Variants in POLR1B observed in about 807,000 individuals in gnomAD.
POLR1B encodes DNA-directed RNA polymerase I subunit RPA2.
POLR1B carries 30 observed loss-of-function variants against 105.8 expected under a neutral mutation model. The ratio of observed to expected loss-of-function variants is 0.28; its 90% CI spans 0.21 to 0.38. The LOEUF (loss-of-function observed/expected upper bound fraction) is 0.38, where lower values mean the gene tolerates loss of function less well. POLR1B is among the 10% of genes least tolerant of loss of function. POLR1B has a pLI of 1.00. For synonymous variants in POLR1B, 485 were observed against 505.1 expected (o/e 0.96, Z 0.53); for missense variants, 976 against 1,435.8 (o/e 0.68, Z 5.17).
At chr2:112,562,651 T>C (rs1329655132) in intron 9 of POLR1B, among the ~76,000 whole-genome samples, 2 of 152,124 alleles carry the variant, frequency 1.3e-5, no homozygotes, top group African/African-American at 4.8e-5. Context: ...AGGTCTTGCC[T>C]CAGTGTTGCT....
intron 7 of POLR1B, among the ~76,000 whole-genome samples, chr2:112,557,199 T>A (rs779021110): frequency 1.3e-5 from 2 of 152,144 alleles, no homozygotes; most frequent in African/African-American, 2.4e-5. Flanking sequence ...GGCAGGAGAA[T>A]CCCTTGAACC....
At chr2:112,572,481 A>T in intron 12 of POLR1B, 81 bp from the exon 13 acceptor site, 1 of 972,724 alleles carries the variant, frequency 1.0e-6, no homozygotes, top group Non-Finnish European at 1.5e-6. Flanking sequence ...ATGGATATTT[A>T]GTTGTTTCCA....
chr2:112,548,872 A>C (rs1683209011), intron 3 of POLR1B, among the ~76,000 whole-genome samples: 1 of 152,154 alleles, frequency 6.6e-6, no homozygotes, highest in Admixed American at 6.5e-5. Context: ...TCGGCCTCCC[A>C]AAGTGCTGTG....
In POLR1B at chr2:112,559,342, G is replaced by A; in HGVS notation, c.1380G>A (p.Leu460=). Residue 460 remains leucine (L), a synonymous_variant, in exon 9 of 15, where the codon CTG becomes CTA. Transcript: ENST00000263331. ...DSGLCVVADK[L]NFIRYLSHFR... ...GACTTTGTGTTGTGGCTGACAAGCT[G>A]AACTTCATACGCTACCTCTCCCATT... 6.2e-7 allele frequency: 1 copy of A among 1,614,174 alleles called. No individual in the cohort carries two copies. Among genetic ancestry groups the A allele is most frequent in the Non-Finnish European group, 8.5e-7 (1 of 1,180,042 alleles).
chr2:112,560,778 C>T (rs980233623), intron 9 of POLR1B, among the ~76,000 whole-genome samples: 3 of 152,008 alleles, frequency 2.0e-5, no homozygotes, highest in Non-Finnish European at 4.4e-5. Flanking sequence ...GTGGCCTGGC[C>T]GGGCGTGGTG....
intron 3 of POLR1B, among the ~76,000 whole-genome samples, chr2:112,548,847 T>G (rs1012224536): frequency 1.3e-5 from 2 of 152,130 alleles, no homozygotes; most frequent in African/African-American, 4.8e-5. Context: ...CTCCTGACCT[T>G]GTGATGCTCC....
At chr2:112,568,334 CTG>C (rs772941440) in intron 11 of POLR1B, among the ~76,000 whole-genome samples, 197 bp downstream of exon 11, 1 of 152,196 alleles carries the variant, frequency 6.6e-6, no homozygotes, top group African/African-American at 2.4e-5. Context: ...TCCACAGAAC[CTG>C]AGAGAGGGCT....
intron 7 of POLR1B, chr2:112,553,405 C>G (rs1410646039): frequency 6.6e-6 from 1 of 152,176 alleles, no homozygotes; most frequent in Admixed American, 6.6e-5. Context: ...CTCAACCTCC[C>G]AGGCTCAAGC....
intron 9 of POLR1B, among the ~76,000 whole-genome samples, chr2:112,562,066 G>C (rs530513273): frequency 6.6e-6 from 1 of 152,208 alleles, no homozygotes; most frequent in Non-Finnish European, 1.5e-5. Flanking sequence ...CTGGGCAAGG[G>C]GCACTTGTTT....
chr2:112,543,487 A>G (rs1458469390), intron 1 of POLR1B, among the ~76,000 whole-genome samples: 1 of 152,148 alleles, frequency 6.6e-6, no homozygotes, highest in African/African-American at 2.4e-5. Flanking sequence ...GGAGTTTGAG[A>G]AAGGGCAGGA....
intron 11 of POLR1B, among the ~76,000 whole-genome samples, chr2:112,568,343 G>A (rs1684412683): frequency 6.6e-6 from 1 of 152,114 alleles, no homozygotes; most frequent in African/African-American, 2.4e-5. Flanking sequence ...CCTGAGAGAG[G>A]GCTGGTGGTC....
intron 12 of POLR1B, among the ~76,000 whole-genome samples, chr2:112,571,072 G>A (rs745715413): frequency 6.6e-6 from 1 of 152,090 alleles, no homozygotes; most frequent in African/African-American, 2.4e-5. Flanking sequence ...GAGCCATTGC[G>A]CCTGGCCTGA....
chr2:112,574,690 C>T (rs1249481803), intron 14 of POLR1B, among the ~76,000 whole-genome samples, 157 bp from the exon 15 acceptor site: 1 of 147,370 alleles, frequency 6.8e-6, no homozygotes, highest in African/African-American at 2.5e-5. Flanking sequence ...CCACCGCACT[C>T]CAGCCTGGGC....
Position 112,576,780 on chromosome 2 carries a change from G to GAAGACCCTGTCTTA in POLR1B, c.*1060_*1061insTCTTAAAGACCCTG, listed in dbSNP as rs1270442240. 9.2e-5 allele frequency: 14 copies of GAAGACCCTGTCTTA among 151,914 alleles called. No individual in the cohort carries two copies. Among genetic ancestry groups the GAAGACCCTGTCTTA allele is most frequent in the Admixed American group, 9.2e-4 (14 of 15,260 alleles). The allele number at this position is 151,914 out of a possible 1,614,324, so 9.4% of individuals were successfully genotyped here. On this transcript the variant is annotated 3_prime_UTR_variant, in exon 15 of 15. Coordinates refer to ENST00000263331, the MANE Select transcript of POLR1B (RefSeq NM_019014.6). ...GGGTAATATAGGAAGACCCTGTCTTGAAGACCCTGACCTCAAGTGATCCAC... is the reference window on the plus strand; with the variant it reads ...GGGTAATATAGGAAGACCCTGTCTTGAAGACCCTGTCTTAAAGACCCTGACCTCAAGTGATCCAC...
At chr2:112,574,760 C>T in intron 14 of POLR1B, 87 bp from the exon 15 acceptor site, 1 of 960,214 alleles carries the variant, frequency 1.0e-6, no homozygotes, top group Non-Finnish European at 1.5e-6. Context: ...TACAAATATC[C>T]TTTATGAAGC....
At position 112,579,788 on chromosome 2, in the gene POLR1B, A is replaced by G. The variant is rs549777635; in HGVS notation, c.*4059A>G. On this transcript the variant is annotated 3_prime_UTR_variant, in exon 15 of 15. Transcript: ENST00000263331. Reference sequence around the variant, plus strand: ...CTGTTGAATTTCAAGACTTCATTATATATTCCAGATATAAAGCCTTTGTCA... The same window carrying G: ...CTGTTGAATTTCAAGACTTCATTATGTATTCCAGATATAAAGCCTTTGTCA... Among the ~76,000 whole-genome samples, 57 of 152,310 alleles carry G rather than the reference A, an allele frequency of 3.7e-4. 1 individual carries two copies. Among genetic ancestry groups the G allele is most frequent in the African/African-American group, 1.3e-3 (55 of 41,566 alleles).
intron 5 of POLR1B, 122 bp downstream of exon 5, chr2:112,551,124 C>T (rs1440769909): frequency 1.1e-6 from 1 of 940,358 alleles, no homozygotes; most frequent in Non-Finnish European, 1.6e-6. Flanking sequence ...TGCTCCAAAA[C>T]AAATTACGTC....
At chr2:112,568,195 T>G in intron 11 of POLR1B, 58 bp downstream of exon 11, 1 of 1,480,366 alleles carries the variant, frequency 6.8e-7, no homozygotes, top group Non-Finnish European at 9.3e-7. Context: ...TATACAACTT[T>G]CAGAGACTTA....
At chr2:112,560,893 C>T (rs1241585334) in intron 9 of POLR1B, among the ~76,000 whole-genome samples, 1 of 152,084 alleles carries the variant, frequency 6.6e-6, no homozygotes, top group Non-Finnish European at 1.5e-5. Context: ...CCCATCTCTA[C>T]TAAATATACA....
Sources: gnomAD v4.1 joint callset for allele counts (sites outside exome capture counted in the v4.1 genomes callset) on GRCh38, gnomAD v4.1.1 for gene constraint, MANE v1.5 for transcripts, NCBI Gene and HGNC (gene_info 2026-07-23, HGNC 2026-07-21) for gene names.